The following SMYD4 variants were observed in gnomAD, a reference collection of about 807,000 sequenced individuals.
The protein encoded by SMYD4 is SET and MYND domain containing 4.
A neutral mutation model predicts 72.8 loss-of-function variants in SMYD4; 68 were observed. The ratio of observed to expected loss-of-function variants is 0.93; its 90% CI spans 0.77 to 1.14. The LOEUF is 1.14. Among genes scored for constraint, SMYD4 ranks in the 50% most tolerant of loss-of-function variants. SMYD4 has a pLI of 0.00. For missense variants in SMYD4, 984 were observed against 1,003.7 expected (o/e 0.98, Z 0.27); for synonymous variants, 407 against 388.6 (o/e 1.05, Z -0.56).
Position 1,786,822 on chromosome 17 carries a change from T to C in SMYD4, c.1872A>G (p.Gly624=). Residue 624 remains glycine, a synonymous_variant, in exon 7 of 11, where the codon GGA becomes GGG. Coordinates refer to ENST00000305513, the MANE Select transcript of SMYD4 (RefSeq NM_052928.3). ...RWEAFCCNSC[G]APMQGDDVLR... Reference sequence around the variant, plus strand: ...AAGAGAGAATTACCTGCATGGGCGCTCCGCAACTGTTGCAACAGAATGCTT... The same window carrying C: ...AAGAGAGAATTACCTGCATGGGCGCCCCGCAACTGTTGCAACAGAATGCTT... 1 of 1,614,176 alleles carries C rather than the reference T, an allele frequency of 6.2e-7. No individual in the cohort carries two copies. Among genetic ancestry groups the C allele is most frequent in the Non-Finnish European group, 8.5e-7 (1 of 1,180,038 alleles).
intron 7 of SMYD4, among the ~76,000 whole-genome samples, chr17:1,784,941 T>TTG (rs920201356): frequency 1.4e-5 from 2 of 143,136 alleles, no homozygotes; most frequent in Non-Finnish European, 3.1e-5. Context: ...GGCTAAATTT[T>TTG]TGTGTGTGTT....
intron 3 of SMYD4, among the ~76,000 whole-genome samples, chr17:1,806,716 A>G (rs1482110332): frequency 3.3e-5 from 5 of 152,122 alleles, no homozygotes; most frequent in Admixed American, 6.6e-5. Context: ...GAGGGTGTAC[A>G]CTGGTTTCAT....
In SMYD4 at chr17:1,827,386, G is replaced by A. The variant is rs138936401; in HGVS notation, c.134+475C>T. Reference sequence around the variant, plus strand: ...AAAAAAGAAAAACAAATACAAACACGGTCCCTTCCCTCATGAAGTTCACAA... The same window carrying A: ...AAAAAAGAAAAACAAATACAAACACAGTCCCTTCCCTCATGAAGTTCACAA... On this transcript the variant is annotated intron_variant, in intron 2 of 10. Transcript: ENST00000305513. Among the ~76,000 whole-genome samples, 333 of 150,936 alleles carry A rather than the reference G, an allele frequency of 2.2e-3. 2 individuals carry two copies. Among genetic ancestry groups the A allele is most frequent in the African/African-American group, 7.7e-3 (316 of 41,302 alleles).
rs530067211 is a variant in SMYD4 at position 1,783,934 on chromosome 17, T to C, written c.2020+392A>G. ...GCTGGGCTCACGCCCCACTGCTCTC[T>C]AGCAGAGACTAGCTCTGAGGAGGGA... On this transcript the variant is annotated intron_variant, in intron 8 of 10. Coordinates refer to ENST00000305513, the MANE Select transcript of SMYD4 (RefSeq NM_052928.3). 3 of 291,958 alleles carry C rather than the reference T, an allele frequency of 1.0e-5. No individual in the cohort carries two copies. In the Admixed American group the frequency reaches 1.4e-4, roughly 14 times the overall value. The allele number at this position is 291,958 out of a possible 1,614,324, so 18.1% of individuals were successfully genotyped here.
At chr17:1,817,346 T>TC (rs1910660363) in intron 2 of SMYD4, among the ~76,000 whole-genome samples, 1 of 150,542 alleles carries the variant, frequency 6.6e-6, no homozygotes, top group Non-Finnish European at 1.5e-5. Flanking sequence ...CCTAAAACTG[T>TC]TTTTTTTTGA....
At chr17:1,804,421 C>T (rs1909929845) in intron 4 of SMYD4, 1 of 444,780 alleles carries the variant, frequency 2.2e-6, no homozygotes. Context: ...AGGTGATCCG[C>T]CCGCCTTGAC....
chr17:1,796,905 G>C (rs1026970845), intron 5 of SMYD4, among the ~76,000 whole-genome samples: 1 of 152,144 alleles, frequency 6.6e-6, no homozygotes, highest in Non-Finnish European at 1.5e-5. Context: ...AAAATACTCA[G>C]CAGCTATATT....
rs531078896 is a variant in SMYD4 at position 1,800,719 on chromosome 17, A to G, written c.675T>C (p.Asn225=). 1.6e-5 allele frequency: 26 copies of G among 1,614,204 alleles called. 1 individual carries two copies. The East Asian group carries it at 5.6e-4, about 35-fold the overall frequency. Residue 225 remains asparagine (N), a synonymous_variant, in exon 5 of 11, where the codon AAT becomes AAC. Transcript: ENST00000305513. The part of the protein sequence containing the change: ...TLEDAALREE[N]EQLSNASSSI... ...ATGATGAGGCATTGGAAAGTTGTTC[A>G]TTCTCCTCCCTCAGCGCTGCATCCT...
intron 4 of SMYD4, among the ~76,000 whole-genome samples, chr17:1,801,396 A>G (rs1909744078): frequency 6.6e-6 from 1 of 150,890 alleles, no homozygotes; most frequent in Non-Finnish European, 1.5e-5. Flanking sequence ...CCGCCACCAC[A>G]CCCAGCTATT....
At position 1,800,570 on chromosome 17, in the gene SMYD4, G is replaced by A. The variant is rs143710080; in HGVS notation, c.824C>T (p.Pro275Leu). The part of the protein sequence containing the change: ...FVSVLNPGEL[P>L]PPHHGLDSKW... ...GCTGTCTAGGCCGTGATGCGGTGGT[G>A]GCAGTTCTCCTGGGTTGAGAACACT... Residue 275 changes from proline (P) to leucine (L), a missense_variant, in exon 5 of 11, where the codon CCA becomes CTA. Coordinates refer to ENST00000305513, the MANE Select transcript of SMYD4 (RefSeq NM_052928.3). 22 of 1,614,126 alleles carry A rather than the reference G, an allele frequency of 1.4e-5. No homozygotes were observed. The highest frequency in any genetic ancestry group is 1.7e-5 in the Admixed American group (1 of 60,014).
At chr17:1,809,954 TC>T (rs1910246476) in intron 3 of SMYD4, among the ~76,000 whole-genome samples, 1 of 152,008 alleles carries the variant, frequency 6.6e-6, no homozygotes, top group Non-Finnish European at 1.5e-5. Context: ...AGCCACTGTG[TC>T]CGGCCCATTT....
intron 4 of SMYD4, chr17:1,804,365 C>A: frequency 3.0e-6 from 1 of 337,444 alleles, no homozygotes; most frequent in African/African-American, 2.1e-5. Context: ...TTAGTAGAGA[C>A]AGGGTTCCAC....
intron 5 of SMYD4, among the ~76,000 whole-genome samples, chr17:1,792,264 C>T (rs1200031259): frequency 6.6e-6 from 1 of 151,978 alleles, no homozygotes; most frequent in Non-Finnish European, 1.5e-5. Flanking sequence ...TGGTCTCGAT[C>T]TCCTGACCTC....
chr17:1,787,323 G>A, intron 6 of SMYD4, 99 bp downstream of exon 6: 1 of 1,437,290 alleles, frequency 7.0e-7, no homozygotes, highest in South Asian at 1.2e-5. Context: ...GAAGCAGACA[G>A]TAGACAGGTG....
chr17:1,799,512 G>A (rs910240530), intron 5 of SMYD4, among the ~76,000 whole-genome samples: 1 of 151,548 alleles, frequency 6.6e-6, no homozygotes, highest in Admixed American at 6.6e-5. Context: ...TGGGACTACA[G>A]GCATGTACCA....
rs1222472480 is a variant in SMYD4 at position 1,787,624 on chromosome 17, G to A, written c.1538-20C>T. ...TAGGTCCTGAAAGGGCAAGAGGAAA[G>A]AAGGAAAAAGGTGTCAGCACATGAG... On this transcript the variant is annotated intron_variant, in intron 5 of 10. Coordinates refer to ENST00000305513, the MANE Select transcript of SMYD4 (RefSeq NM_052928.3). 5.1e-6 allele frequency: 8 copies of A among 1,554,012 alleles called. No individual in the cohort carries two copies. The Admixed American group carries it at 7.9e-5, about 15-fold the overall frequency.
chr17:1,788,645 T>A (rs1190733282), intron 5 of SMYD4, among the ~76,000 whole-genome samples: 1 of 151,662 alleles, frequency 6.6e-6, no homozygotes, highest in Admixed American at 6.6e-5. Flanking sequence ...CTCAGGAGGC[T>A]GAGGCAGGAG....
chr17:1,814,650 C>T (rs533659365), intron 2 of SMYD4: 1 of 152,142 alleles, frequency 6.6e-6, no homozygotes, highest in African/African-American at 2.4e-5. Context: ...CATAGTGGAA[C>T]CCACCTCCAC....
At chr17:1,828,764 TTTTTGTATTTTTA>T in intron 1 of SMYD4, among the ~76,000 whole-genome samples, 1 of 151,988 alleles carries the variant, frequency 6.6e-6, no homozygotes, top group South Asian at 2.1e-4. Flanking sequence ...GCCCGGCTAA[TTTTTGTATTTTTA>T]GTAGAGACGG....
Sources: allele counts gnomAD v4.1 joint callset (sites outside exome capture counted in the v4.1 genomes callset), GRCh38; gene constraint gnomAD v4.1.1; transcripts MANE v1.5; gene names NCBI Gene and HGNC (gene_info 2026-07-23, HGNC 2026-07-21).